SNAPC2: variants seen among roughly 807,000 people sequenced by gnomAD.
The protein encoded by SNAPC2 is small nuclear RNA activating complex polypeptide 2, also known as snRNA-activating protein complex subunit 2.
In SNAPC2, 27 loss-of-function variants were observed where a neutral mutation model predicts 22.9. The ratio of observed to expected loss-of-function variants is 1.18; its 90% CI spans 0.87 to 1.63. SNAPC2 has a LOEUF of 1.63. SNAPC2 is among the 40% of genes most tolerant of loss of function. The probability of loss-of-function intolerance (pLI) is 0.00; values close to 1 mark genes in which losing one functional copy is unlikely to be tolerated. For synonymous variants in SNAPC2, 272 were observed against 201.0 expected (o/e 1.35, Z -2.99); for missense variants, 570 against 449.1 (o/e 1.27, Z -2.43).
chr19:7,920,741 A>C, intron 1 of SNAPC2, 192 bp downstream of exon 1: 1 of 423,802 alleles, frequency 2.4e-6, no homozygotes, highest in Non-Finnish European at 3.9e-6. Context: ...CGTGGACGGG[A>C]AGAGAAGACC....
rs1429349133 is a variant in SNAPC2, at chr19:7,920,361, A to C, written c.-6A>C. The C allele has an allele frequency of 1.3e-6, 2 of 1,566,862 alleles. No individual in the cohort carries two copies. Among genetic ancestry groups the C allele is most frequent in the South Asian group, 1.1e-5 (1 of 88,462 alleles). On this transcript the variant is annotated 5_prime_UTR_variant, in exon 1 of 5. Coordinates refer to ENST00000221573, the MANE Select transcript of SNAPC2 (RefSeq NM_003083.4). ...ACCTTACAGCGCCTGCCTCTTTCTGAGCGGCATGAAGCCACCTCCCAGGCG... is the reference window on the plus strand; with the variant it reads ...ACCTTACAGCGCCTGCCTCTTTCTGCGCGGCATGAAGCCACCTCCCAGGCG...
Position 7,922,364 on chromosome 19 carries a change from A to C in SNAPC2, c.685+17A>C. ...CAGCAGCTGGTGAGAAGGGTGAGGG[A>C]GGGGGCAGGAGCAGAGGGATCAAGG... On this transcript the variant is annotated intron_variant, in intron 4 of 4. Transcript: ENST00000221573. 6.2e-7 allele frequency: 1 copy of C among 1,608,062 alleles called. No homozygotes were observed. The highest frequency in any genetic ancestry group is 8.5e-7 in the Non-Finnish European group (1 of 1,176,642).
chr19:7,921,041 G>C (rs1983550390), intron 1 of SNAPC2: 1 of 1,163,300 alleles, frequency 8.6e-7, no homozygotes, highest in African/African-American at 1.6e-5. Context: ...GGCTAAACGG[G>C]CGGAATGAAC....
chr19:7,922,260 G>A lies in SNAPC2; in HGVS notation c.598G>A (p.Glu200Lys), dbSNP rs762000623. ...SESSAGPSTEEDFAVDFEKIY... is the reference protein window; with the variant it reads ...SESSAGPSTEKDFAVDFEKIY... ...GTCGTCGGCTGGTCCCTCCACTGAA[G>A]AAGACTTTGCTGTGGACTTTGAGAA... Residue 200 changes from glutamate to lysine, a missense_variant, in exon 4 of 5, where the codon GAA becomes AAA. Transcript: ENST00000221573. 3.7e-6 allele frequency: 6 copies of A among 1,614,012 alleles called. No homozygotes were observed. The highest frequency in any genetic ancestry group is 5.1e-6 in the Non-Finnish European group (6 of 1,179,998).
In SNAPC2 at chr19:7,922,780, G is replaced by A; in HGVS notation, c.*16G>A. 1 of 1,556,246 alleles carries A rather than the reference G, an allele frequency of 6.4e-7. No homozygotes were observed. Among genetic ancestry groups the A allele is most frequent in the South Asian group, 1.2e-5 (1 of 85,682 alleles). On this transcript the variant is annotated 3_prime_UTR_variant, in exon 5 of 5. Transcript: ENST00000221573. ...TGCCAGGTGAGGGGCATGGCGGGCA[G>A]GAGGCCACACCAGGCCCCCCGCCCT...
In SNAPC2 at chr19:7,920,562, T is replaced by A; in HGVS notation, c.183+13T>A. 7.7e-7 allele frequency: 1 copy of A among 1,297,560 alleles called. No homozygotes were observed. The highest frequency in any genetic ancestry group is 1.0e-6 in the Non-Finnish European group (1 of 1,002,380). The allele number at this position is 1,297,560 out of a possible 1,614,324, so 80.4% of individuals were successfully genotyped here. A position where few individuals can be genotyped will look rare whatever the true frequency, so the allele number is the denominator to read the frequency against. ...GAGCGAGGCTGAGGTGAGATGCGGT[T>A]CTCGGGACCGGAGCCAGGCTGGAGG... is the stretch of plus-strand genomic sequence containing the variant. On this transcript the variant is annotated intron_variant, in intron 1 of 4. Transcript: ENST00000221573.
At chr19:7,921,307 G>A (rs993502575) in intron 1 of SNAPC2, 116 bp from the exon 2 acceptor site, 9 of 1,537,814 alleles carry the variant, frequency 5.9e-6, no homozygotes, top group Non-Finnish European at 8.0e-6. Flanking sequence ...CACCGGGCCA[G>A]CAGGAGACTA....
chr19:7,921,918 C>T (rs1983588072), intron 3 of SNAPC2, 117 bp from the exon 4 acceptor site: 1 of 1,396,578 alleles, frequency 7.2e-7, no homozygotes, highest in Non-Finnish European at 9.9e-7. Flanking sequence ...GTGTCCCTGG[C>T]TCTGAGGCCA....
At position 7,920,354 on chromosome 19, in the gene SNAPC2, C is replaced by A; in HGVS notation, c.-13C>A. On this transcript the variant is annotated 5_prime_UTR_variant, in exon 1 of 5. Coordinates refer to ENST00000221573, the MANE Select transcript of SNAPC2 (RefSeq NM_003083.4). ...AGAAGCGACCTTACAGCGCCTGCCTCTTTCTGAGCGGCATGAAGCCACCTC... is the reference window on the plus strand; with the variant it reads ...AGAAGCGACCTTACAGCGCCTGCCTATTTCTGAGCGGCATGAAGCCACCTC... The A allele has an allele frequency of 6.4e-7, 1 of 1,564,230 alleles. No individual in the cohort carries two copies.
chr19:7,922,045 T>C lies in SNAPC2; in HGVS notation c.383T>C (p.Ile128Thr). ...LAVAFSQVLT[I>T]AATEPVTLLH... Reference sequence around the variant, plus strand: ...TGTTCTGCCTGCCAGGTGCTCACCATCGCGGCCACGGAACCGGTCACCCTC... The same window carrying C: ...TGTTCTGCCTGCCAGGTGCTCACCACCGCGGCCACGGAACCGGTCACCCTC... The change falls in exon 4 of 5, where the codon ATC becomes ACC. Residue 128 changes from isoleucine to threonine, a missense_variant. Physicochemically the swap from Ile to Thr is moderately conservative, Grantham distance 89. Coordinates refer to ENST00000221573, the MANE Select transcript of SNAPC2 (RefSeq NM_003083.4). 6.2e-7 allele frequency: 1 copy of C among 1,608,236 alleles called. No individual in the cohort carries two copies.
In SNAPC2 at chr19:7,922,939, C is replaced by T. The variant is rs1983642195; in HGVS notation, c.*175C>T. ...ACTTTGGGGGTCTCAGAAATGGAAC[C>T]CCCGTTGTACAGGGGTTGGGTGGGG... On this transcript the variant is annotated 3_prime_UTR_variant, in exon 5 of 5. Coordinates refer to ENST00000221573, the MANE Select transcript of SNAPC2 (RefSeq NM_003083.4). The T allele has an allele frequency of 1.8e-6, 1 of 567,522 alleles. No homozygotes were observed. The highest frequency in any genetic ancestry group is 3.1e-6 in the Non-Finnish European group (1 of 326,320). 35.2% of individuals were successfully genotyped at this position (567,522 alleles called of 1,614,324 possible). A position where few individuals can be genotyped will look rare whatever the true frequency, so the allele number is the denominator to read the frequency against.
Position 7,920,400 on chromosome 19 carries a change from G to T in SNAPC2, c.34G>T (p.Ala12Ser). Residue 12 changes from alanine to serine, a missense_variant, in exon 1 of 5, where the codon GCG becomes TCG. By Grantham distance (99) the Ala-to-Ser change is moderately conservative (BLOSUM62 1). Coordinates refer to ENST00000221573, the MANE Select transcript of SNAPC2 (RefSeq NM_003083.4). ...KPPPRRRAAP[A>S]RYLGEVTGPA... ...ACCTCCCAGGCGGCGAGCGGCCCCG[G>T]CGCGCTATCTGGGCGAGGTGACCGG... 3 of 1,582,426 alleles carry T rather than the reference G, an allele frequency of 1.9e-6. No homozygotes were observed. Among genetic ancestry groups the T allele is most frequent in the Non-Finnish European group, 1.7e-6 (2 of 1,172,162 alleles).
In SNAPC2 at chr19:7,922,745, C is replaced by T. The variant is rs201179380; in HGVS notation, c.986C>T (p.Ala329Val). The T allele has an allele frequency of 5.8e-5, 92 of 1,590,494 alleles. No individual in the cohort carries two copies. The highest frequency in any genetic ancestry group is 6.4e-5 in the Non-Finnish European group (75 of 1,163,618). The change falls in exon 5 of 5, where the codon GCA becomes GTA. Residue 329 changes from alanine to valine, a missense_variant. Physicochemically the swap from Ala to Val is moderately conservative, Grantham distance 64 (BLOSUM62 0). Coordinates refer to ENST00000221573, the MANE Select transcript of SNAPC2 (RefSeq NM_003083.4). ...GTGCCCCTGGAGCTTCTGGGTCGGG[C>T]AGCCACCCCTGCCAGGTGAGGGGCA... is the stretch of plus-strand genomic sequence containing the variant. ...FLVPLELLGR[A>V]ATPAR
rs1035374318 is a variant in SNAPC2, at chr19:7,920,531, G to A, written c.165G>A (p.Arg55=). The A allele has an allele frequency of 2.6e-5, 38 of 1,437,880 alleles. No individual in the cohort carries two copies. The highest frequency in any genetic ancestry group is 3.4e-5 in the Non-Finnish European group (38 of 1,103,366). 89.1% of individuals were successfully genotyped at this position (1,437,880 alleles called of 1,614,324 possible). ...CCACCGAGCTGGCCCGGGAGCTGCG[G>A]GGCCGGAGCGAGGCTGAGGTGAGAT... ...PDATELAREL[R]GRSEAEIRVF... The change falls in exon 1 of 5, where the codon CGG becomes CGA. Residue 55 remains arginine, a synonymous_variant. Coordinates refer to ENST00000221573, the MANE Select transcript of SNAPC2 (RefSeq NM_003083.4).
Position 7,921,652 on chromosome 19 carries a change from G to C in SNAPC2, c.304-53G>C, listed in dbSNP as rs952074852. Reference sequence around the variant, plus strand: ...ATCCCCAGGAGGAGCAGGGCTTGGGGGGCCATTGCAGGCTGATCCCTGGGC... The same window carrying C: ...ATCCCCAGGAGGAGCAGGGCTTGGGCGGCCATTGCAGGCTGATCCCTGGGC... On this transcript the variant is annotated intron_variant, in intron 2 of 4. Coordinates refer to ENST00000221573, the MANE Select transcript of SNAPC2 (RefSeq NM_003083.4). 6.8e-6 allele frequency: 11 copies of C among 1,608,962 alleles called. No homozygotes were observed. In the African/African-American group the frequency reaches 1.3e-4, roughly 20 times the overall value.
In SNAPC2 at chr19:7,922,312, C is replaced by T. The variant is rs748900589; in HGVS notation, c.650C>T (p.Ser217Phe). The change falls in exon 4 of 5, where the codon TCC (serine) becomes TTC (phenylalanine). Residue 217 changes from serine to phenylalanine, a missense_variant. Ser to Phe is a radical substitution (Grantham distance 155). Transcript: ENST00000221573. Reference protein sequence around the residue: ...EKIYKYLSSVSRSGRSPELSA... With the variant: ...EKIYKYLSSVFRSGRSPELSA... Reference sequence around the variant, plus strand: ...ATCTACAAGTACTTGTCCTCTGTCTCCCGAAGTGGCCGCAGCCCCGAGCTC... The same window carrying T: ...ATCTACAAGTACTTGTCCTCTGTCTTCCGAAGTGGCCGCAGCCCCGAGCTC... The T allele has an allele frequency of 8.7e-6, 14 of 1,613,704 alleles. No homozygotes were observed. The highest frequency in any genetic ancestry group is 3.3e-4 in the Middle Eastern group (2 of 6,084).
chr19:7,922,530 G>C lies in SNAPC2; in HGVS notation c.771G>C (p.Thr257=), dbSNP rs751360273. The C allele has an allele frequency of 1.9e-6, 3 of 1,612,740 alleles. No homozygotes were observed. The highest frequency in any genetic ancestry group is 1.3e-5 in the African/African-American group (1 of 74,982). The change falls in exon 5 of 5, where the codon ACG becomes ACC. Residue 257 remains threonine (T), a synonymous_variant. Transcript: ENST00000221573. ...GCACAGCCCTGGTTGAGCATATGAC[G>C]GAGACGTACCTACGCCTGACAGCCC... The part of the protein sequence containing the change: ...LPCTALVEHM[T]ETYLRLTAPQ...
In SNAPC2 at chr19:7,922,823, G is replaced by A. The variant is rs56011348; in HGVS notation, c.*59G>A. 1.4e-5 allele frequency: 18 copies of A among 1,312,710 alleles called. No homozygotes were observed. The highest frequency in any genetic ancestry group is 4.6e-5 in the Admixed American group (2 of 43,694). The allele number at this position is 1,312,710 out of a possible 1,614,324, so 81.3% of individuals were successfully genotyped here. A position where few individuals can be genotyped will look rare whatever the true frequency, so the allele number is the denominator to read the frequency against. ...CCCGCCCTGCCCCTCGGTTCTGCTC[G>A]GCTGGCCCTGGCTCTTTCTGAGGAT... On this transcript the variant is annotated 3_prime_UTR_variant, in exon 5 of 5. Transcript: ENST00000221573.
intron 1 of SNAPC2, 34 bp from the exon 2 acceptor site, chr19:7,921,389 A>G: frequency 1.2e-6 from 2 of 1,613,632 alleles, no homozygotes; most frequent in Non-Finnish European, 1.7e-6. Context: ...CTGAGCTCAT[A>G]GAAGCCTCAT....
Sources: allele counts gnomAD v4.1 joint callset, GRCh38; gene constraint gnomAD v4.1.1; transcripts MANE v1.5; gene names NCBI Gene and HGNC (gene_info 2026-07-23, HGNC 2026-07-21).